Variants in PDE8A observed in about 807,000 individuals in gnomAD.
The protein encoded by PDE8A is high affinity cAMP-specific and IBMX-insensitive 3',5'-cyclic phosphodiesterase 8A.
PDE8A carries 59 observed loss-of-function variants against 105.0 expected under a neutral mutation model. The ratio of observed to expected loss-of-function variants is 0.56; its 90% confidence interval spans 0.46 to 0.70. The LOEUF (loss-of-function observed/expected upper bound fraction) is 0.70, where lower values mean the gene tolerates loss of function less well. Ranked by LOEUF, PDE8A falls within the 30% of genes least tolerant of loss-of-function variation. PDE8A has a pLI of 0.00. For missense variants in PDE8A, 1,014 were observed against 1,045.9 expected (o/e 0.97, Z 0.42); for synonymous variants, 355 against 371.9 (o/e 0.95, Z 0.52).
At chr15:85,087,612 A>G (rs1268946969) in intron 6 of PDE8A, among the ~76,000 whole-genome samples, 1 of 152,078 alleles carries the variant, frequency 6.6e-6, no homozygotes, top group African/African-American at 2.4e-5. Flanking sequence ...TCTTTGGGAG[A>G]TTACTTATAC....
At position 85,083,591 on chromosome 15, in the gene PDE8A, C is replaced by G; in HGVS notation, c.582C>G (p.Tyr194Ter). The G allele has an allele frequency of 6.2e-7, 1 of 1,613,520 alleles. No homozygotes were observed. The highest frequency in any genetic ancestry group is 8.5e-7 in the Non-Finnish European group (1 of 1,179,478). ...AAAACCCCAACATCATGGCCTGCTA[C>G]AATGAACTGCTCCAGCTGGAGTTTG... ...YVENPNIMAC[Y>*]NELLQLEFGE... is the part of the protein sequence containing the mutation. Residue 194 changes from tyrosine to a stop codon, truncating the protein, a stop_gained, in exon 6 of 22, where the codon TAC becomes TAG. Transcript: ENST00000394553. LOFTEE classifies it high-confidence loss of function.
chr15:85,051,144 G>A (rs2080966521), intron 1 of PDE8A, among the ~76,000 whole-genome samples: 1 of 152,108 alleles, frequency 6.6e-6, no homozygotes, highest in Non-Finnish European at 1.5e-5. Context: ...AGCTTGTTTG[G>A]TGTGTTGCCT....
intron 1 of PDE8A, among the ~76,000 whole-genome samples, chr15:85,028,614 ATT>A (rs2080558689): frequency 1.3e-5 from 2 of 152,166 alleles, no homozygotes; most frequent in African/African-American, 4.8e-5. Context: ...TATTCCTTGT[ATT>A]TCGCAATTTG....
chr15:85,115,115 G>A, intron 14 of PDE8A: 1 of 327,258 alleles, frequency 3.1e-6, no homozygotes, highest in Non-Finnish European at 5.6e-6. Context: ...AAATGGTCCT[G>A]GAGTGCAAGC....
chr15:85,031,472 G>T (rs1285373889), intron 1 of PDE8A, among the ~76,000 whole-genome samples: 4 of 152,076 alleles, frequency 2.6e-5, no homozygotes, highest in South Asian at 4.1e-4. Context: ...CTGCCCTGTT[G>T]CTCCAGACCT....
At chr15:85,095,359 C>G (rs922850754) in intron 8 of PDE8A, among the ~76,000 whole-genome samples, 2 of 151,388 alleles carry the variant, frequency 1.3e-5, no homozygotes, top group Non-Finnish European at 1.5e-5. Context: ...ATTTTTTTTC[C>G]TCAAGACAGA....
chr15:85,022,811 C>A (rs2080450953), intron 1 of PDE8A, among the ~76,000 whole-genome samples: 1 of 152,012 alleles, frequency 6.6e-6, no homozygotes, highest in African/African-American at 2.4e-5. Flanking sequence ...CCTTGGCCTC[C>A]CTAAGTGCTG....
chr15:85,096,365 A>G (rs904293432), intron 8 of PDE8A, among the ~76,000 whole-genome samples: 1 of 152,110 alleles, frequency 6.6e-6, no homozygotes, highest in Non-Finnish European at 1.5e-5. Flanking sequence ...AGGCTGAGGT[A>G]GGAGGATCAC....
chr15:85,089,876 TG>T (rs1236697024), intron 7 of PDE8A, among the ~76,000 whole-genome samples: 1 of 152,232 alleles, frequency 6.6e-6, no homozygotes, highest in Non-Finnish European at 1.5e-5. Flanking sequence ...ACCTAGTAAG[TG>T]CTGAATAAAT....
At chr15:85,026,230 T>G (rs552566211) in intron 1 of PDE8A, among the ~76,000 whole-genome samples, 24 of 152,266 alleles carry the variant, frequency 1.6e-4, no homozygotes, top group Admixed American at 8.5e-4. Flanking sequence ...GCTCAGGAAT[T>G]GGACAGGGTA....
rs201958312 is a variant in PDE8A at position 85,137,887 on chromosome 15, G to A, written c.2474G>A (p.Arg825Gln). 2 of 1,607,230 alleles carry A rather than the reference G, an allele frequency of 1.2e-6. No homozygotes were observed. The highest frequency in any genetic ancestry group is 1.7e-4 in the Middle Eastern group (1 of 6,042). Reference protein sequence around the residue: ...GLDEMKLRNLRPPPE With the variant: ...GLDEMKLRNLQPPPE ...GACGAAATGAAGCTGCGGAACCTCC[G>A]ACCACCTCCTGAATAGTGGGAGACA... is the stretch of plus-strand genomic sequence containing the variant. Residue 825 changes from arginine to glutamine, a missense_variant, in exon 22 of 22, where the codon CGA becomes CAA. Arg to Gln is a conservative substitution (Grantham distance 43, BLOSUM62 1). Transcript: ENST00000394553.
chr15:85,040,386 AAAAAG>A (rs1222862830), intron 1 of PDE8A, among the ~76,000 whole-genome samples: 34 of 150,424 alleles, frequency 2.3e-4, no homozygotes, highest in African/African-American at 2.7e-4. Context: ...AAAAAAAAAA[AAAAAG>A]AAAAGAAAAG....
intron 5 of PDE8A, among the ~76,000 whole-genome samples, chr15:85,082,283 C>G (rs977201035): frequency 3.9e-5 from 6 of 152,134 alleles, no homozygotes; most frequent in Non-Finnish European, 8.8e-5. Flanking sequence ...TAAGGTTTAT[C>G]ATGCTCCTGG....
intron 6 of PDE8A, among the ~76,000 whole-genome samples, chr15:85,086,886 T>G (rs1312792418): frequency 6.6e-6 from 1 of 151,894 alleles, no homozygotes; most frequent in Non-Finnish European, 1.5e-5. Flanking sequence ...AAGTAGCTGG[T>G]ATTACAGAGG....
chr15:85,104,879 C>T (rs1452508340), intron 11 of PDE8A, among the ~76,000 whole-genome samples: 3 of 152,118 alleles, frequency 2.0e-5, no homozygotes, highest in African/African-American at 7.2e-5. Flanking sequence ...CAGGGGAGCA[C>T]TGAGGAGCAG....
At chr15:85,092,432 G>A (rs962970080) in intron 8 of PDE8A, among the ~76,000 whole-genome samples, 1 of 152,030 alleles carries the variant, frequency 6.6e-6, no homozygotes, top group African/African-American at 2.4e-5. Flanking sequence ...AGGTGCTCAG[G>A]TGCACCATGT....
chr15:85,053,392 A>G (rs1037239367), intron 1 of PDE8A, among the ~76,000 whole-genome samples: 5 of 152,170 alleles, frequency 3.3e-5, no homozygotes, highest in African/African-American at 1.2e-4. Context: ...ATGGCATTTA[A>G]TCTATAAGTT....
At chr15:85,129,380 G>A (rs944001800) in intron 20 of PDE8A, among the ~76,000 whole-genome samples, 1 of 152,132 alleles carries the variant, frequency 6.6e-6, no homozygotes, top group Admixed American at 6.5e-5. Flanking sequence ...ATCCTTTCTT[G>A]GGAGGTTTTT....
chr15:85,113,999 G>A lies in PDE8A; in HGVS notation c.1312G>A (p.Asp438Asn). 1 of 1,614,048 alleles carries A rather than the reference G, an allele frequency of 6.2e-7. No homozygotes were observed. ...YSPQFGAKDDDPHANDLVGGL... is the reference protein window; with the variant it reads ...YSPQFGAKDDNPHANDLVGGL... Reference sequence around the variant, plus strand: ...ACCACAGTTTGGTGCTAAAGATGATGATCCCCATGCCAATGACCTTGTTGG... The same window carrying A: ...ACCACAGTTTGGTGCTAAAGATGATAATCCCCATGCCAATGACCTTGTTGG... The change falls in exon 14 of 22, where the codon GAT becomes AAT. Residue 438 changes from aspartate (D) to asparagine (N), a missense_variant. Transcript: ENST00000394553.
Sources: allele counts gnomAD v4.1 joint callset (sites outside exome capture counted in the v4.1 genomes callset), GRCh38; gene constraint gnomAD v4.1.1; transcripts MANE v1.5; gene names NCBI Gene and HGNC (gene_info 2026-07-23, HGNC 2026-07-21).